BCAS3: variants seen among roughly 807,000 people sequenced by gnomAD.
BCAS3 encodes BCAS3 microtubule associated cell migration factor, also known as BCAS4/BCAS3 fusion.
A neutral mutation model predicts 116.1 loss-of-function variants in BCAS3; 53 were observed. The observed-to-expected ratio is 0.46, with a 90% confidence interval of 0.37 to 0.57. The LOEUF is 0.57. Among genes scored for constraint, BCAS3 ranks in the 20% least tolerant of loss-of-function variants. The pLI, the probability that BCAS3 is intolerant of heterozygous loss-of-function variation, is 0.00. For missense variants in BCAS3, 917 were observed against 1,165.4 expected, an observed-to-expected ratio of 0.79 and a Z score of 3.10; for synonymous variants, 391 against 408.2, an observed-to-expected ratio of 0.96 and a Z score of 0.51.
intron 7 of BCAS3, among the ~76,000 whole-genome samples, chr17:60,846,618 T>A (rs1388517647): frequency 6.6e-6 from 1 of 152,196 alleles, no homozygotes; most frequent in African/African-American, 2.4e-5. Context: ...TCCAGCTCTG[T>A]TGTTCAATAT....
Position 61,239,117 on chromosome 17 carries a change from G to A in BCAS3, c.2426-129210G>A, listed in dbSNP as rs2083283836. Among the ~76,000 whole-genome samples the A allele has an allele frequency of 6.6e-6, 1 of 152,130 alleles. No homozygotes were observed. Among genetic ancestry groups the A allele is most frequent in the South Asian group, 2.1e-4 (1 of 4,826 alleles). ...GGTAGGTTGGCATTCACAGTTCTCA[G>A]GAGACAATCAGGTACTGATTTAGTG... On this transcript the variant is annotated intron_variant, in intron 22 of 23. Coordinates refer to ENST00000407086, the MANE Select transcript of BCAS3 (RefSeq NM_017679.5). The surrounding 1 kb of genome is among the most constrained non-coding windows in gnomAD (Gnocchi z 4.2).
intron 7 of BCAS3, chr17:60,810,071 G>T (rs968475323): frequency 4.6e-5 from 12 of 259,832 alleles, no homozygotes; most frequent in Admixed American, 1.6e-4. Flanking sequence ...ACAGGAAGTT[G>T]TGGCAGTGAG....
chr17:60,930,967 G>C (rs1233274876), intron 13 of BCAS3, among the ~76,000 whole-genome samples: 2 of 152,162 alleles, frequency 1.3e-5, no homozygotes, highest in African/African-American at 4.8e-5. Context: ...TTTCTGTCTT[G>C]TATGGGACCT....
intron 5 of BCAS3, among the ~76,000 whole-genome samples, chr17:60,735,923 G>T (rs904374789): frequency 7.0e-6 from 1 of 143,226 alleles, no homozygotes; most frequent in Middle Eastern, 3.6e-3. Flanking sequence ...CGATGTGATG[G>T]CTTATGTTAA....
In BCAS3 at chr17:61,180,817, T is replaced by G. The variant is rs1259480477; in HGVS notation, c.2425+96253T>G. Among the ~76,000 whole-genome samples the G allele has an allele frequency of 1.3e-5, 2 of 152,204 alleles. No individual in the cohort carries two copies. Among genetic ancestry groups the G allele is most frequent in the Non-Finnish European group, 2.9e-5 (2 of 68,036 alleles). On this transcript the variant is annotated intron_variant, in intron 22 of 23. Transcript: ENST00000407086. The surrounding 1 kb of genome is among the most constrained non-coding windows in gnomAD (Gnocchi z 6.0). ...AAATGAGGGGGAAATAAGACAACCA[T>G]GTAGAGCCTGAGAATAGAATATAAG...
At chr17:61,002,072 A>C (rs541642853) in intron 15 of BCAS3, among the ~76,000 whole-genome samples, 1 of 152,238 alleles carries the variant, frequency 6.6e-6, no homozygotes, top group South Asian at 2.1e-4. Flanking sequence ...GGTATAGATA[A>C]CGTAGTTTTG....
rs2065775075 is a variant in BCAS3 at position 61,020,208 on chromosome 17, A to T, written c.1637+4307A>T. On this transcript the variant is annotated intron_variant, in intron 16 of 23. Transcript: ENST00000407086. This position sits in a 1 kb window ranked among gnomAD's most constrained non-coding sequence, Gnocchi z 4.5. ...AAGCCTCAACTTAAACCTTAAGGGG[A>T]CAAAACGTGTGTTTACCATATTCAA... 6.6e-6 allele frequency among the ~76,000 whole-genome samples: 1 copy of T among 152,224 alleles called. No homozygotes were observed. Among genetic ancestry groups the T allele is most frequent in the South Asian group, 2.1e-4 (1 of 4,832 alleles).
chr17:60,811,385 C>G (rs1206687223), intron 7 of BCAS3: 2 of 614,298 alleles, frequency 3.3e-6, no homozygotes, highest in Non-Finnish European at 6.0e-6. Context: ...GCAAACCATC[C>G]AGAAGACCAC....
At chr17:61,137,643 C>T (rs1475610418) in intron 22 of BCAS3, among the ~76,000 whole-genome samples, 3 of 152,202 alleles carry the variant, frequency 2.0e-5, no homozygotes, top group Non-Finnish European at 4.4e-5. Context: ...GTGGCACACG[C>T]CTGTAATCTT....
chr17:60,759,745 AC>A (rs2043341434), intron 6 of BCAS3, among the ~76,000 whole-genome samples: 1 of 151,584 alleles, frequency 6.6e-6, no homozygotes, highest in African/African-American at 2.4e-5. Context: ...GCTCACTGCC[AC>A]CTTGAACTCC....
chr17:61,052,342 G>A (rs972600088), intron 19 of BCAS3, among the ~76,000 whole-genome samples: 3 of 151,508 alleles, frequency 2.0e-5, no homozygotes, highest in East Asian at 1.9e-4. Flanking sequence ...TTTACATTTC[G>A]GATATCATAA....
intron 14 of BCAS3, among the ~76,000 whole-genome samples, chr17:60,988,338 C>CTTTCTTTTTTTTTTTTTTTTT (rs2063296151): frequency 1.5e-5 from 1 of 66,760 alleles, no homozygotes; most frequent in Non-Finnish European, 2.9e-5. Flanking sequence ...TTTTCTTTTT[C>CTTTCTTTTTTTTTTTTTTTTT]TTTTTTTTTT....
intron 14 of BCAS3, among the ~76,000 whole-genome samples, chr17:60,953,515 T>C (rs1039528675): frequency 6.6e-6 from 1 of 152,140 alleles, no homozygotes; most frequent in African/African-American, 2.4e-5. Flanking sequence ...ATTCTATAGA[T>C]TGTCTGTTTA....
In BCAS3 at chr17:61,243,612, T is replaced by A. The variant is rs2047698600; in HGVS notation, c.2426-124715T>A. ...CAGTATAAGAAGACTTAGAATTGAG[T>A]ACAGTTTGATTGAATCAAGGGTAAT... On this transcript the variant is annotated intron_variant, in intron 22 of 23. Transcript: ENST00000407086. The surrounding 1 kb of genome is among the most constrained non-coding windows in gnomAD (Gnocchi z 5.6). 6.6e-6 allele frequency among the ~76,000 whole-genome samples: 1 copy of A among 152,172 alleles called. No homozygotes were observed. Among genetic ancestry groups the A allele is most frequent in the Non-Finnish European group, 1.5e-5 (1 of 68,040 alleles).
intron 23 of BCAS3, among the ~76,000 whole-genome samples, chr17:61,385,576 C>T (rs1237157701): frequency 1.3e-5 from 2 of 152,248 alleles, no homozygotes; most frequent in Non-Finnish European, 2.9e-5. Flanking sequence ...CAGGAACCCC[C>T]AGGCAGAAGG....
At position 61,034,907 on chromosome 17, in the gene BCAS3, T is replaced by A. The variant is rs995990281; in HGVS notation, c.1762+117T>A. On this transcript the variant is annotated intron_variant, in intron 17 of 23. Transcript: ENST00000407086. This position sits in a 1 kb window ranked among gnomAD's most constrained non-coding sequence, Gnocchi z 5.0. ...CCAGTAGTCTGGAAACCAATTTTTT[T>A]AATGTAATTAGCATGTCACTTCTCA... 83 of 916,556 alleles carry A rather than the reference T, an allele frequency of 9.1e-5. No homozygotes were observed. Among genetic ancestry groups the A allele is most frequent in the Middle Eastern group, 2.4e-4 (1 of 4,228 alleles). The allele number at this position is 916,556 out of a possible 1,614,324, so 56.8% of individuals were successfully genotyped here. A position where few individuals can be genotyped will look rare whatever the true frequency, so the allele number is the denominator to read the frequency against.
chr17:60,910,408 T>C (rs1055059895), intron 11 of BCAS3, 124 bp from the exon 12 acceptor site: 6 of 716,706 alleles, frequency 8.4e-6, no homozygotes, highest in Non-Finnish European at 1.2e-5. Flanking sequence ...TGTGACAGTT[T>C]ACTGCTATAA....
Position 61,196,275 on chromosome 17 carries a change from A to G in BCAS3, c.2425+111711A>G, listed in dbSNP as rs1218548759. Among the ~76,000 whole-genome samples, 1 of 152,174 alleles carries G rather than the reference A, an allele frequency of 6.6e-6. No homozygotes were observed. The highest frequency in any genetic ancestry group is 6.5e-5 in the Admixed American group (1 of 15,270). ...GCTCTGGATTCTGTGACATTTGCCC[A>G]AAGGGAAACACCGGTCCCTTGGATT... On this transcript the variant is annotated intron_variant, in intron 22 of 23. Transcript: ENST00000407086. The surrounding 1 kb of genome is among the most constrained non-coding windows in gnomAD (Gnocchi z 4.7).
chr17:61,345,184 A>G (rs1172709339), intron 22 of BCAS3, among the ~76,000 whole-genome samples: 2 of 152,192 alleles, frequency 1.3e-5, no homozygotes, highest in Non-Finnish European at 1.5e-5. Context: ...AAAGCCGGGA[A>G]GAGCTGTTCT....
Sources: gnomAD v4.1 joint callset for allele counts (sites outside exome capture counted in the v4.1 genomes callset) on GRCh38, gnomAD v4.1.1 for gene constraint, Gnocchi (gnomAD v3.1) non-coding constraint, MANE v1.5 for transcripts, NCBI Gene and HGNC (gene_info 2026-07-23, HGNC 2026-07-21) for gene names.